SCN3A: variants seen among roughly 807,000 people sequenced by gnomAD.
The protein encoded by SCN3A is sodium channel protein type 3 subunit alpha.
In SCN3A, 60 loss-of-function variants were observed where a neutral mutation model predicts 187.6. That is an observed-to-expected ratio of 0.32 (90% confidence interval 0.26 to 0.40). The LOEUF (loss-of-function observed/expected upper bound fraction) is 0.40, where lower values mean the gene tolerates loss of function less well. Among genes scored for constraint, SCN3A ranks in the 10% least tolerant of loss-of-function variants. The pLI, the probability that SCN3A is intolerant of heterozygous loss-of-function variation, is 1.00. For missense variants in SCN3A, 1,601 were observed against 2,428.2 expected (o/e 0.66, Z 7.16); for synonymous variants, 788 against 829.2 (o/e 0.95, Z 0.85).
intron 1 of SCN3A, among the ~76,000 whole-genome samples, chr2:165,193,236 A>G (rs914346025): frequency 1.3e-5 from 2 of 152,050 alleles, no homozygotes; most frequent in Non-Finnish European, 2.9e-5. Flanking sequence ...GATGTTCTAC[A>G]TGGGGGAGGG....
rs1315408551 is a variant in SCN3A, at chr2:165,088,597, T to G, written c.*1553A>C. 1 of 152,548 alleles carries G rather than the reference T, an allele frequency of 6.6e-6. No individual in the cohort carries two copies. Among genetic ancestry groups the G allele is most frequent in the Non-Finnish European group, 1.5e-5 (1 of 67,950 alleles). The allele number at this position is 152,548 out of a possible 1,614,324, so 9.4% of individuals were successfully genotyped here. A position where few individuals can be genotyped will look rare whatever the true frequency, so the allele number is the denominator to read the frequency against. ...AAAGAAATCCATAAAACCCATTATC[T>G]AACTTTTATTTTAGGAAATTATCCA... is the stretch of plus-strand genomic sequence containing the variant. On this transcript the variant is annotated 3_prime_UTR_variant, in exon 28 of 28. Transcript: ENST00000283254.
chr2:165,144,537 A>G (rs1688206589), intron 12 of SCN3A, among the ~76,000 whole-genome samples: 1 of 152,070 alleles, frequency 6.6e-6, no homozygotes, highest in South Asian at 2.1e-4. Context: ...AGGGTTTTGC[A>G]CTTCCTCTTT....
At position 165,119,004 on chromosome 2, in the gene SCN3A, A is replaced by T. The variant is rs555453616; in HGVS notation, c.3394-3429T>A. The stretch of plus-strand genomic sequence containing the variant: ...GTCTTGATCTCCTGACTTCGTGATC[A>T]GCCTGCCTCGGCCTCCCAAAGTGCT... On this transcript the variant is annotated intron_variant, in intron 18 of 27. Transcript: ENST00000283254. 2.7e-5 allele frequency among the ~76,000 whole-genome samples: 4 copies of T among 150,660 alleles called. No individual in the cohort carries two copies. The South Asian group carries it at 8.5e-4, about 32-fold the overall frequency.
chr2:165,197,374 G>A (rs1180817105), intron 1 of SCN3A, among the ~76,000 whole-genome samples: 1 of 152,044 alleles, frequency 6.6e-6, no homozygotes, highest in Non-Finnish European at 1.5e-5. Flanking sequence ...TACAATTGCA[G>A]AGCTTTTAAG....
chr2:165,177,999 T>C (rs996917973), intron 2 of SCN3A, among the ~76,000 whole-genome samples: 7 of 152,106 alleles, frequency 4.6e-5, no homozygotes, highest in Non-Finnish European at 4.4e-5. Context: ...TGCCCCCACA[T>C]GTATTCTAGG....
chr2:165,186,337 A>G (rs1691240540), intron 2 of SCN3A, among the ~76,000 whole-genome samples: 2 of 152,170 alleles, frequency 1.3e-5, no homozygotes, highest in Admixed American at 1.3e-4. Context: ...TCTTTCTTAC[A>G]TCAACAGCCT....
rs1000540138 is a variant in SCN3A at position 165,146,838 on chromosome 2, G to A, written c.1572C>T (p.Pro524=). 1 of 1,613,916 alleles carries A rather than the reference G, an allele frequency of 6.2e-7. No individual in the cohort carries two copies. Among genetic ancestry groups the A allele is most frequent in the Non-Finnish European group, 8.5e-7 (1 of 1,179,962 alleles). Residue 524 remains proline (P), a synonymous_variant, in exon 12 of 28, where the codon CCC becomes CCT. Transcript: ENST00000283254. Reference sequence around the variant, plus strand: ...TGACGCTGTCTTCAGATTCGGATTTGGGAAAGCTGTCTCTCTCTCCTTTGT... The same window carrying A: ...TGACGCTGTCTTCAGATTCGGATTTAGGAAAGCTGTCTCTCTCTCCTTTGT... The part of the protein sequence containing the change: ...GNNKGERDSF[P]KSESEDSVKR...
In SCN3A at chr2:165,140,501, T is replaced by G; in HGVS notation, c.2019+150A>C. 1 of 711,912 alleles carries G rather than the reference T, an allele frequency of 1.4e-6. No homozygotes were observed. The highest frequency in any genetic ancestry group is 1.6e-5 in the South Asian group (1 of 61,282). The allele number at this position is 711,912 out of a possible 1,614,324, so 44.1% of individuals were successfully genotyped here. On this transcript the variant is annotated intron_variant, in intron 13 of 27. Coordinates refer to ENST00000283254, the MANE Select transcript of SCN3A (RefSeq NM_006922.4). This position sits in a 1 kb window ranked among gnomAD's most constrained non-coding sequence, Gnocchi z 4.2. ...CATACAATTCAATTGATTCTCAATA[T>G]TCTATTGTTTTCCCTTTGATTAATC...
At chr2:165,103,460 G>T (rs1255364716) in intron 21 of SCN3A, among the ~76,000 whole-genome samples, 1 of 152,076 alleles carries the variant, frequency 6.6e-6, no homozygotes, top group African/African-American at 2.4e-5. Flanking sequence ...AACACAAAAG[G>T]CACTCTTGCC....
At chr2:165,190,537 A>G (rs1691526822) in intron 1 of SCN3A, among the ~76,000 whole-genome samples, 1 of 146,010 alleles carries the variant, frequency 6.8e-6, no homozygotes, top group African/African-American at 2.5e-5. Context: ...TATATATAAC[A>G]TTTTATATTT....
intron 1 of SCN3A, among the ~76,000 whole-genome samples, chr2:165,193,357 TTC>T (rs1293327583): frequency 1.3e-5 from 2 of 152,160 alleles, no homozygotes; most frequent in African/African-American, 4.8e-5. Context: ...TAAGTGAACA[TTC>T]TCTCTCTGTG....
chr2:165,163,476 TA>T, intron 7 of SCN3A, 141 bp downstream of exon 7: 1 of 1,046,264 alleles, frequency 9.6e-7, no homozygotes, highest in Non-Finnish European at 1.4e-6. Context: ...TTTTAGGAGC[TA>T]AACTGACATT....
intron 11 of SCN3A, among the ~76,000 whole-genome samples, chr2:165,152,814 T>A (rs185887487): frequency 6.6e-6 from 1 of 152,162 alleles, no homozygotes; most frequent in Non-Finnish European, 1.5e-5. Context: ...GAGGTATACC[T>A]AATGTAAATG....
At position 165,090,970 on chromosome 2, in the gene SCN3A, G is replaced by A. The variant is rs746231328; in HGVS notation, c.5183C>T (p.Pro1728Leu). The A allele has an allele frequency of 1.2e-6, 2 of 1,614,020 alleles. No individual in the cohort carries two copies. Among genetic ancestry groups the A allele is most frequent in the Admixed American group, 1.7e-5 (1 of 59,984 alleles). Residue 1728 changes from proline to leucine, a missense_variant, in exon 28 of 28, where the codon CCT (proline) becomes CTT (leucine). By Grantham distance (98) the Pro-to-Leu change is moderately conservative. Coordinates refer to ENST00000283254, the MANE Select transcript of SCN3A (RefSeq NM_006922.4). The surrounding 1 kb of genome is among the most constrained non-coding windows in gnomAD (Gnocchi z 4.0). ...TGAGCTGCCAGGGTGAATTGTGTCAGGGTCACAGTCGGGTGGTGCACTATT... is the reference window on the plus strand; with the variant it reads ...TGAGCTGCCAGGGTGAATTGTGTCAAGGTCACAGTCGGGTGGTGCACTATT... The part of the protein sequence containing the change: ...ILNSAPPDCD[P>L]DTIHPGSSVK...
At chr2:165,160,777 A>AT (rs77707091) in intron 9 of SCN3A, among the ~76,000 whole-genome samples, 34,363 of 151,844 alleles carry the variant, frequency 0.23, 5,091 homozygotes, top group East Asian at 0.52. Flanking sequence ...AGTAGCTGAG[A>AT]TACAGGTGTG....
intron 1 of SCN3A, among the ~76,000 whole-genome samples, chr2:165,199,317 C>CA (rs1692176241): frequency 1.3e-5 from 2 of 151,698 alleles, no homozygotes; most frequent in South Asian, 4.1e-4. Flanking sequence ...ATGCAGTCTC[C>CA]AAAAAAATGA....
chr2:165,171,791 A>C (rs1690116919), intron 3 of SCN3A, among the ~76,000 whole-genome samples: 1 of 152,112 alleles, frequency 6.6e-6, no homozygotes, highest in Non-Finnish European at 1.5e-5. Flanking sequence ...TGTTCATTCC[A>C]GTGAGAACTA....
At chr2:165,181,595 C>T (rs1047891268) in intron 2 of SCN3A, among the ~76,000 whole-genome samples, 6 of 152,142 alleles carry the variant, frequency 3.9e-5, no homozygotes, top group Non-Finnish European at 8.8e-5. Flanking sequence ...CTTGAAAGCT[C>T]GAATTTTGAC....
chr2:165,196,955 G>C (rs1248746008), intron 1 of SCN3A, among the ~76,000 whole-genome samples: 1 of 152,092 alleles, frequency 6.6e-6, no homozygotes, highest in African/African-American at 2.4e-5. Flanking sequence ...ATCAGTGAGT[G>C]AATGTATAGT....
Sources: gnomAD v4.1 joint callset for allele counts (sites outside exome capture counted in the v4.1 genomes callset) on GRCh38, gnomAD v4.1.1 for gene constraint, Gnocchi (gnomAD v3.1) non-coding constraint, MANE v1.5 for transcripts, NCBI Gene and HGNC (gene_info 2026-07-23, HGNC 2026-07-21) for gene names.